The following XYLT1 variants were observed in gnomAD, a reference collection of about 807,000 sequenced individuals.
XYLT1 encodes the protein beta-D-xylosyltransferase 1.
In XYLT1, 36 loss-of-function variants were observed where a neutral mutation model predicts 91.3. That is an observed-to-expected ratio of 0.39 (90% confidence interval 0.30 to 0.52). The LOEUF (loss-of-function observed/expected upper bound fraction) is 0.52, where lower values mean the gene tolerates loss of function less well. Ranked by LOEUF, XYLT1 falls within the 20% of genes least tolerant of loss-of-function variation. The probability of loss-of-function intolerance (pLI) is 0.68; values close to 1 mark genes in which losing one functional copy is unlikely to be tolerated. For synonymous variants in XYLT1, 588 were observed against 532.0 expected (o/e 1.11, Z -1.45); for missense variants, 1,242 against 1,284.5 (o/e 0.97, Z 0.51).
intron 3 of XYLT1, among the ~76,000 whole-genome samples, chr16:17,256,480 G>A (rs1161365625): frequency 1.3e-5 from 2 of 151,934 alleles, no homozygotes; most frequent in African/African-American, 2.4e-5. Context: ...GTGAAACCCT[G>A]TCTCTACTAA....
At chr16:17,222,206 T>A (rs771148119) in intron 3 of XYLT1, among the ~76,000 whole-genome samples, 1 of 152,220 alleles carries the variant, frequency 6.6e-6, no homozygotes, top group Non-Finnish European at 1.5e-5. Flanking sequence ...ATATTTTATG[T>A]CACAGAAACA....
At chr16:17,251,981 G>A (rs1243789468) in intron 3 of XYLT1, among the ~76,000 whole-genome samples, 4 of 152,052 alleles carry the variant, frequency 2.6e-5, no homozygotes, top group Admixed American at 2.0e-4. Context: ...TGTGTCTGAA[G>A]AGCAGACCCA....
chr16:17,449,068 G>C (rs1596551793), intron 1 of XYLT1, among the ~76,000 whole-genome samples: 1 of 152,194 alleles, frequency 6.6e-6, no homozygotes, highest in African/African-American at 2.4e-5. Context: ...TGGTGGAGAA[G>C]GAAGTGGCAT....
intron 6 of XYLT1, among the ~76,000 whole-genome samples, chr16:17,153,602 T>C (rs1176433908): frequency 6.6e-6 from 1 of 152,194 alleles, no homozygotes; most frequent in African/African-American, 2.4e-5. Flanking sequence ...TTAAATAGCT[T>C]CAACTGTTTT....
chr16:17,186,698 G>C (rs568847549), intron 5 of XYLT1, among the ~76,000 whole-genome samples: 1 of 152,202 alleles, frequency 6.6e-6, no homozygotes. Context: ...GATGGTGTCT[G>C]TCCTGCTCCC....
At chr16:17,266,611 G>T (rs2033808929) in intron 2 of XYLT1, among the ~76,000 whole-genome samples, 1 of 152,162 alleles carries the variant, frequency 6.6e-6, no homozygotes, top group Non-Finnish European at 1.5e-5. Context: ...TTAGGAATAG[G>T]GACAGGGCCA....
At chr16:17,125,591 A>G (rs2030233097) in intron 10 of XYLT1, among the ~76,000 whole-genome samples, 1 of 151,884 alleles carries the variant, frequency 6.6e-6, no homozygotes, top group African/African-American at 2.4e-5. Context: ...TGGCTCTTTT[A>G]CAGGCTTTAG....
At chr16:17,433,079 C>T (rs546141726) in intron 1 of XYLT1, among the ~76,000 whole-genome samples, 7 of 151,950 alleles carry the variant, frequency 4.6e-5, no homozygotes, top group Non-Finnish European at 5.9e-5. Flanking sequence ...TCAGGAGTGA[C>T]GGTAATGATG....
chr16:17,336,023 C>A (rs142693520), intron 2 of XYLT1, among the ~76,000 whole-genome samples: 1 of 152,276 alleles, frequency 6.6e-6, no homozygotes, highest in Admixed American at 6.5e-5. Flanking sequence ...TTGAGACCTA[C>A]GCTTTGCCTG....
intron 1 of XYLT1, among the ~76,000 whole-genome samples, chr16:17,440,351 C>A (rs1462805011): frequency 2.0e-5 from 3 of 152,240 alleles, no homozygotes; most frequent in Non-Finnish European, 4.4e-5. Flanking sequence ...GAGCACGCTG[C>A]TTGCTCACCC....
intron 3 of XYLT1, among the ~76,000 whole-genome samples, chr16:17,236,928 CTGGGGCTTAGG>C (rs2033258755): frequency 6.6e-6 from 1 of 152,136 alleles, no homozygotes; most frequent in Admixed American, 6.5e-5. Context: ...TTCACAAGTC[CTGGGGCTTAGG>C]AATTCAACCT....
intron 1 of XYLT1, among the ~76,000 whole-genome samples, chr16:17,417,331 C>A (rs1173877177): frequency 6.6e-6 from 1 of 152,100 alleles, no homozygotes; most frequent in South Asian, 2.1e-4. Flanking sequence ...GGCTACTAAC[C>A]CTTAGTTTCC....
intron 5 of XYLT1, among the ~76,000 whole-genome samples, chr16:17,181,617 C>T (rs1405710996): frequency 1.3e-5 from 2 of 152,166 alleles, no homozygotes; most frequent in Admixed American, 6.5e-5. Context: ...TTCTCCTCTG[C>T]CCATCTCTCT....
At chr16:17,309,392 A>C (rs1317004168) in intron 2 of XYLT1, among the ~76,000 whole-genome samples, 1 of 152,184 alleles carries the variant, frequency 6.6e-6, no homozygotes, top group Non-Finnish European at 1.5e-5. Flanking sequence ...CTCACTCAGC[A>C]AATACTTGTT....
intron 5 of XYLT1, among the ~76,000 whole-genome samples, chr16:17,160,399 C>G (rs1026203464): frequency 6.6e-6 from 1 of 152,208 alleles, no homozygotes. Context: ...CCTCTGCAGT[C>G]TCGCCACTCC....
chr16:17,430,054 A>G (rs374902164), intron 1 of XYLT1, among the ~76,000 whole-genome samples: 47 of 149,828 alleles, frequency 3.1e-4, no homozygotes, highest in African/African-American at 1.1e-3. Context: ...CTCCTGCCTC[A>G]GCCCCCCAAG....
At chr16:17,199,841 C>A (rs1456947549) in intron 4 of XYLT1, among the ~76,000 whole-genome samples, 1 of 152,050 alleles carries the variant, frequency 6.6e-6, no homozygotes, top group Non-Finnish European at 1.5e-5. Flanking sequence ...TTATTAGCAG[C>A]ATGAAAATGG....
chr16:17,362,618 C>G (rs543637167), intron 1 of XYLT1, among the ~76,000 whole-genome samples: 2 of 152,306 alleles, frequency 1.3e-5, no homozygotes, highest in African/African-American at 4.8e-5. Context: ...TTTTAACAAG[C>G]AATTAAGCCC....
chr16:17,147,499 T>C (rs2125192), intron 6 of XYLT1, among the ~76,000 whole-genome samples: 13,458 of 152,308 alleles, frequency 0.088, 646 homozygotes, highest in East Asian at 0.16. Context: ...ACAATATTTA[T>C]GCAGTCATCT....
Sources: gnomAD v4.1 joint callset for allele counts (sites outside exome capture counted in the v4.1 genomes callset) on GRCh38, gnomAD v4.1.1 for gene constraint, MANE v1.5 for transcripts, NCBI Gene and HGNC (gene_info 2026-07-23, HGNC 2026-07-21) for gene names.